Variants in PCDH15 observed in about 807,000 individuals in gnomAD.
PCDH15 encodes the protein protocadherin related 15, also known as protocadherin-15.
In PCDH15, 129 loss-of-function variants were observed where a neutral mutation model predicts 178.5. That is an observed-to-expected ratio of 0.72 (90% CI 0.63 to 0.84). PCDH15 has a LOEUF of 0.84. PCDH15 is among the 40% of genes least tolerant of loss of function. PCDH15 has a pLI of 0.00. For missense variants in PCDH15, 2,230 were observed against 2,099.9 expected (o/e 1.06, Z -1.21); for synonymous variants, 800 against 732.0 (o/e 1.09, Z -1.50).
chr10:54,551,943 AAAAT>A (rs2086663453), intron 2 of PCDH15, among the ~76,000 whole-genome samples: 2 of 152,122 alleles, frequency 1.3e-5, no homozygotes, highest in Non-Finnish European at 1.5e-5. Flanking sequence ...TATGAAAAAG[AAAAT>A]AAATAAAAGC....
chr10:55,173,459 T>C (rs1839396376), intron 1 of PCDH15, among the ~76,000 whole-genome samples: 1 of 151,978 alleles, frequency 6.6e-6, no homozygotes, highest in Admixed American at 6.6e-5. Context: ...CTGATTTCCC[T>C]AATCTCATAG....
At chr10:54,045,442 T>C (rs1388538570) in intron 18 of PCDH15, among the ~76,000 whole-genome samples, 1 of 152,060 alleles carries the variant, frequency 6.6e-6, no homozygotes, top group Non-Finnish European at 1.5e-5. Flanking sequence ...TGAAAATAGC[T>C]AAAATTTGAT....
chr10:55,102,736 C>G (rs1265340738), intron 2 of PCDH15, among the ~76,000 whole-genome samples: 1 of 151,864 alleles, frequency 6.6e-6, no homozygotes, highest in Non-Finnish European at 1.5e-5. Flanking sequence ...TTGGCTCCCC[C>G]AAAATATAAC....
intron 2 of PCDH15, among the ~76,000 whole-genome samples, chr10:54,987,623 G>A (rs1490286135): frequency 6.6e-6 from 1 of 151,280 alleles, no homozygotes; most frequent in Non-Finnish European, 1.5e-5. Context: ...CAGTGATGTT[G>A]AGCTTTTTTT....
At chr10:54,823,794 G>T (rs530268673) in intron 3 of PCDH15, among the ~76,000 whole-genome samples, 2 of 152,088 alleles carry the variant, frequency 1.3e-5, no homozygotes, top group South Asian at 2.1e-4. Context: ...AATGGAAATT[G>T]TTTATGACTC....
At chr10:54,951,567 G>T (rs1442925199) in intron 2 of PCDH15, among the ~76,000 whole-genome samples, 1 of 151,806 alleles carries the variant, frequency 6.6e-6, no homozygotes, top group East Asian at 1.9e-4. Context: ...ACCACATATG[G>T]GCAAAGATGA....
rs1437689599 is a variant in PCDH15, at chr10:53,924,380, T to C, written c.3373+14435A>G. Among the ~76,000 whole-genome samples the C allele has an allele frequency of 3.9e-5, 6 of 152,184 alleles. No individual in the cohort carries two copies. The East Asian group carries it at 1.2e-3, about 29-fold the overall frequency. ...CCCAGCAGTGCAGGCCTGCCAGTGCTGCACTCAAATTCTCACTGGGCCTCA... is the reference window on the plus strand; with the variant it reads ...CCCAGCAGTGCAGGCCTGCCAGTGCCGCACTCAAATTCTCACTGGGCCTCA... On this transcript the variant is annotated intron_variant, in intron 25 of 37. Transcript: ENST00000644397.
intron 13 of PCDH15, among the ~76,000 whole-genome samples, chr10:54,181,623 C>CTATA (rs1183193957): frequency 6.6e-6 from 1 of 152,128 alleles, no homozygotes; most frequent in Non-Finnish European, 1.5e-5. Context: ...ATGCCATGAA[C>CTATA]TATAGATACA....
intron 1 of PCDH15, among the ~76,000 whole-genome samples, chr10:55,181,070 G>T (rs186321536): frequency 2.0e-4 from 31 of 152,100 alleles, no homozygotes; most frequent in East Asian, 5.8e-4. Flanking sequence ...GAGTAGTTCT[G>T]GCAAAGTGAT....
intron 3 of PCDH15, among the ~76,000 whole-genome samples, chr10:54,468,890 A>C (rs1463189641): frequency 1.3e-5 from 2 of 152,074 alleles, no homozygotes; most frequent in Non-Finnish European, 2.9e-5. Context: ...ATTCCTTTAT[A>C]ATTGTATAAT....
chr10:54,533,839 C>T (rs1306409606), intron 2 of PCDH15, among the ~76,000 whole-genome samples: 3 of 152,026 alleles, frequency 2.0e-5, no homozygotes, highest in African/African-American at 7.2e-5. Flanking sequence ...CATTTCAAAT[C>T]TTTGGGGGAG....
chr10:55,229,754 A>G (rs577965053), intron 1 of PCDH15, among the ~76,000 whole-genome samples: 51 of 152,114 alleles, frequency 3.4e-4, no homozygotes, highest in Admixed American at 1.4e-3. Context: ...ACACTCTTTC[A>G]TGTAAATGAG....
chr10:54,104,323 G>A (rs895575462), intron 15 of PCDH15, among the ~76,000 whole-genome samples: 1 of 152,128 alleles, frequency 6.6e-6, no homozygotes, highest in African/African-American at 2.4e-5. Flanking sequence ...ATTCCAAGTT[G>A]CAGGGTCCCA....
At chr10:54,488,632 G>T (rs939925428) in intron 3 of PCDH15, among the ~76,000 whole-genome samples, 1 of 151,908 alleles carries the variant, frequency 6.6e-6, no homozygotes, top group Non-Finnish European at 1.5e-5. Flanking sequence ...AAGAAGAATT[G>T]TGTATGAAAA....
chr10:54,900,551 A>C (rs762085420), intron 2 of PCDH15, among the ~76,000 whole-genome samples: 3 of 152,218 alleles, frequency 2.0e-5, no homozygotes, highest in African/African-American at 4.8e-5. Context: ...TTACTTTTAC[A>C]AATAAAAATT....
intron 26 of PCDH15, among the ~76,000 whole-genome samples, chr10:53,872,392 A>G (rs1030807029): frequency 6.6e-5 from 10 of 152,188 alleles, no homozygotes; most frequent in Admixed American, 5.2e-4. Flanking sequence ...CACAACTTTA[A>G]TCATCATACT....
At chr10:54,886,754 T>A (rs990110425) in intron 3 of PCDH15, among the ~76,000 whole-genome samples, 1 of 152,246 alleles carries the variant, frequency 6.6e-6, no homozygotes, top group East Asian at 1.9e-4. Flanking sequence ...TCCGTCTCAA[T>A]AAAAGAAAGA....
chr10:54,149,297 A>C (rs2044284965), intron 14 of PCDH15, among the ~76,000 whole-genome samples: 1 of 152,150 alleles, frequency 6.6e-6, no homozygotes, highest in Admixed American at 6.6e-5. Flanking sequence ...GGGCTTTCAA[A>C]TGATGGTACT....
rs117230098 is a variant in PCDH15 at position 54,246,099 on chromosome 10, C to T, written c.877-9168G>A. ...TTACATAAATATTGAGAGGGACATA[C>T]GCTCAGAGATGTGTTGACAAGAATA... On this transcript the variant is annotated intron_variant, in intron 8 of 37. Transcript: ENST00000644397. Among the ~76,000 whole-genome samples the T allele has an allele frequency of 7.6e-4, 115 of 151,922 alleles. 2 individuals carry two copies. In the East Asian group the frequency reaches 0.018, roughly 23 times the overall value.
Sources: gnomAD v4.1 joint callset for allele counts (sites outside exome capture counted in the v4.1 genomes callset) on GRCh38, gnomAD v4.1.1 for gene constraint, MANE v1.5 for transcripts, NCBI Gene and HGNC (gene_info 2026-07-23, HGNC 2026-07-21) for gene names.